Variants in CLCN5 observed in about 807,000 individuals in gnomAD.
CLCN5 encodes H(+)/Cl(-) exchange transporter 5.
A neutral mutation model predicts 54.0 loss-of-function variants in CLCN5; 17 were observed. The observed-to-expected ratio is 0.31, with a 90% CI of 0.22 to 0.47. The LOEUF (loss-of-function observed/expected upper bound fraction) is 0.47. CLCN5 is among the 20% of genes least tolerant of loss of function. The pLI is 1.00. For missense variants in CLCN5, 448 were observed against 646.7 expected (o/e 0.69, Z 3.33); for synonymous variants, 222 against 233.0 (o/e 0.95, Z 0.43).
At chrX:49,992,034 G>A (rs377630091) in intron 3 of CLCN5, among the ~76,000 whole-genome samples, 1 of 110,881 alleles carries the variant, frequency 9.0e-6, no homozygotes, top group East Asian at 2.8e-4. Flanking sequence ...CAAATCTATA[G>A]GGTCTTTCAG....
intron 6 of CLCN5, among the ~76,000 whole-genome samples, chrX:50,073,377 G>A (rs1376610644): frequency 1.8e-5 from 2 of 111,638 alleles, no homozygotes; most frequent in Admixed American, 9.5e-5. Flanking sequence ...AGCAAGTAGA[G>A]GCTCTAGTTT....
intron 3 of CLCN5, among the ~76,000 whole-genome samples, chrX:50,025,356 A>C (rs1440089537): frequency 2.2e-4 from 18 of 83,266 alleles, no homozygotes; most frequent in African/African-American, 5.0e-4. Flanking sequence ...GTGCGCGCAC[A>C]CACTGGCCTG....
chrX:49,954,999 G>A (rs782110286), intron 3 of CLCN5, among the ~76,000 whole-genome samples: 1 of 111,228 alleles, frequency 9.0e-6, no homozygotes, highest in South Asian at 3.8e-4. Flanking sequence ...GACTGATAGA[G>A]TAGTGCTGAT....
chrX:49,967,437 G>A (rs1390542322), intron 3 of CLCN5, among the ~76,000 whole-genome samples: 5 of 83,887 alleles, frequency 6.0e-5, no homozygotes, highest in Non-Finnish European at 1.0e-4. Flanking sequence ...GTCTGTTCAT[G>A]TCCTTCGCCC....
intron 3 of CLCN5, among the ~76,000 whole-genome samples, chrX:50,029,778 CTGTT>C (rs1557185570): frequency 8.9e-6 from 1 of 111,971 alleles, no homozygotes; most frequent in African/African-American, 3.3e-5. Context: ...CACTTTTACA[CTGTT>C]GGTGGGACTG....
intron 4 of CLCN5, among the ~76,000 whole-genome samples, chrX:50,068,419 T>C (rs1439737033): frequency 2.7e-5 from 3 of 111,283 alleles, no homozygotes; most frequent in Non-Finnish European, 5.7e-5. Flanking sequence ...CGAATGAAGA[T>C]ATGGAAAGGA....
intron 3 of CLCN5, among the ~76,000 whole-genome samples, chrX:49,944,182 C>T (rs1186811448): frequency 9.0e-6 from 1 of 111,519 alleles, no homozygotes; most frequent in East Asian, 2.8e-4. Flanking sequence ...AATGGAAATT[C>T]ACTCATGATT....
chrX:49,979,384 G>A (rs1383005812), intron 3 of CLCN5, among the ~76,000 whole-genome samples: 3 of 111,677 alleles, frequency 2.7e-5, no homozygotes, highest in Non-Finnish European at 5.6e-5. Context: ...ACTGATCAAT[G>A]AGAAAACATT....
rs1446315349 is a variant in CLCN5, at chrX:50,096,887, G to T, written c.*4668G>T. 2 of 112,154 alleles carry T rather than the reference G, an allele frequency of 1.8e-5. No homozygotes were observed. Among genetic ancestry groups the T allele is most frequent in the African/African-American group, 6.5e-5 (2 of 30,795 alleles). The allele number at this position is 112,154 out of a possible 1,213,427, so 9.2% of individuals were successfully genotyped here. ...GTTCAAAGCAGTGTTTGGCTCAAGG[G>T]CAGTCTGGTTTTATGGATAGGGCCG... On this transcript the variant is annotated 3_prime_UTR_variant, in exon 15 of 15. Coordinates refer to ENST00000376091, the MANE Select transcript of CLCN5 (RefSeq NM_001127898.4).
chrX:50,060,882 C>T (rs1194370990), intron 4 of CLCN5, among the ~76,000 whole-genome samples: 37 of 89,278 alleles, frequency 4.1e-4, no homozygotes, highest in Admixed American at 1.5e-3. Context: ...GGGAGGCACC[C>T]CCCAGCAGGG....
At chrX:49,994,670 C>A (rs1557179399) in intron 3 of CLCN5, among the ~76,000 whole-genome samples, 1 of 111,838 alleles carries the variant, frequency 8.9e-6, no homozygotes, top group Non-Finnish European at 1.9e-5. Flanking sequence ...CAGTTTTGTG[C>A]TCTATTCCAA....
Position 49,925,187 on chromosome X carries a change from C to G in CLCN5, c.-112C>G. ...CATTTTCAGGTTTGGGGCTTTAGCCCCTTGGAGAAAACAGGGCCACATAGC... is the reference window on the plus strand; with the variant it reads ...CATTTTCAGGTTTGGGGCTTTAGCCGCTTGGAGAAAACAGGGCCACATAGC... On this transcript the variant is annotated 5_prime_UTR_variant, in exon 3 of 15. Coordinates refer to ENST00000376091, the MANE Select transcript of CLCN5 (RefSeq NM_001127898.4). 3.7e-6 allele frequency: 3 copies of G among 818,730 alleles called. No homozygotes were observed. The highest frequency in any genetic ancestry group is 5.5e-6 in the Non-Finnish European group (3 of 543,039). The allele number at this position is 818,730 out of a possible 1,213,427, so 67.5% of individuals were successfully genotyped here.
At chrX:50,019,383 C>T (rs1451281878) in intron 3 of CLCN5, among the ~76,000 whole-genome samples, 1 of 106,814 alleles carries the variant, frequency 9.4e-6, no homozygotes, top group African/African-American at 3.4e-5. Flanking sequence ...CAATGTATCA[C>T]AATCAGATCA....
At chrX:49,970,460 T>A (rs1928151141) in intron 3 of CLCN5, among the ~76,000 whole-genome samples, 1 of 111,490 alleles carries the variant, frequency 9.0e-6, no homozygotes, top group Admixed American at 9.5e-5. Flanking sequence ...ACTAATCTAC[T>A]TCTTATCTCT....
chrX:49,959,132 G>A (rs147568014), intron 3 of CLCN5, among the ~76,000 whole-genome samples: 4 of 111,103 alleles, frequency 3.6e-5, no homozygotes, highest in Non-Finnish European at 7.6e-5. Context: ...TCCACTTAAG[G>A]TTCACTGTGG....
At chrX:49,956,472 A>G (rs1557173893) in intron 3 of CLCN5, among the ~76,000 whole-genome samples, 1 of 112,377 alleles carries the variant, frequency 8.9e-6, no homozygotes, top group Non-Finnish European at 1.9e-5. Context: ...AATGTCTACT[A>G]GCCTATTGTT....
chrX:49,936,373 G>C (rs1315535222), intron 3 of CLCN5, among the ~76,000 whole-genome samples: 1 of 111,624 alleles, frequency 9.0e-6, no homozygotes, highest in Non-Finnish European at 1.9e-5. Context: ...ATGGGTAGTG[G>C]TGCCAGGAGC....
intron 14 of CLCN5, among the ~76,000 whole-genome samples, chrX:50,091,124 C>T (rs1319727072): frequency 9.0e-6 from 1 of 111,520 alleles, no homozygotes; most frequent in Non-Finnish European, 1.9e-5. Context: ...ATAAATAACC[C>T]AGTTCCTCCC....
intron 3 of CLCN5, among the ~76,000 whole-genome samples, chrX:49,944,224 A>G (rs1367192122): frequency 5.4e-5 from 6 of 111,579 alleles, no homozygotes; most frequent in Non-Finnish European, 9.4e-5. Context: ...TTGGTGTATA[A>G]GAATGCTTGT....
Sources: gnomAD v4.1 joint callset for allele counts (sites outside exome capture counted in the v4.1 genomes callset) on GRCh38, gnomAD v4.1.1 for gene constraint, MANE v1.5 for transcripts, NCBI Gene and HGNC (gene_info 2026-07-23, HGNC 2026-07-21) for gene names.